EDIL3: variants seen among roughly 807,000 people sequenced by gnomAD.
EDIL3 encodes EGF-like repeat and discoidin I-like domain-containing protein 3.
EDIL3 carries 37 observed loss-of-function variants against 67.4 expected under a neutral mutation model. The ratio of observed to expected loss-of-function variants is 0.55; its 90% CI spans 0.42 to 0.72. The LOEUF is 0.72. EDIL3 is among the 30% of genes least tolerant of loss of function. The pLI is 0.00. For missense variants in EDIL3, 527 were observed against 586.3 expected (o/e 0.90, Z 1.04); for synonymous variants, 195 against 196.3 (o/e 0.99, Z 0.05).
intron 2 of EDIL3, among the ~76,000 whole-genome samples, chr5:84,233,119 A>G (rs1387264710): frequency 6.6e-6 from 1 of 152,198 alleles, no homozygotes; most frequent in East Asian, 1.9e-4. Context: ...AAATAAGTGT[A>G]TTGCTCCACT....
intron 6 of EDIL3, among the ~76,000 whole-genome samples, chr5:84,068,681 A>G (rs1746684476): frequency 1.3e-5 from 2 of 152,296 alleles, no homozygotes; most frequent in South Asian, 4.1e-4. Context: ...CACTGTTTCC[A>G]TTAAACACAA....
chr5:84,349,437 A>G (rs562444788), intron 1 of EDIL3, among the ~76,000 whole-genome samples: 9 of 152,338 alleles, frequency 5.9e-5, no homozygotes, highest in African/African-American at 2.2e-4. Flanking sequence ...CCACTTAACC[A>G]TCTGCTGACT....
intron 9 of EDIL3, among the ~76,000 whole-genome samples, chr5:83,974,455 T>C (rs1210599058): frequency 6.6e-6 from 1 of 151,832 alleles, no homozygotes; most frequent in Non-Finnish European, 1.5e-5. Flanking sequence ...ACACAGAAAG[T>C]GGACTGCCCC....
intron 9 of EDIL3, among the ~76,000 whole-genome samples, chr5:84,039,732 T>G (rs908082393): frequency 6.6e-6 from 1 of 152,092 alleles, no homozygotes; most frequent in African/African-American, 2.4e-5. Context: ...CTACATTTTT[T>G]AAAAGTATAA....
intron 9 of EDIL3, among the ~76,000 whole-genome samples, chr5:83,967,568 T>A (rs1166836764): frequency 6.6e-6 from 1 of 152,104 alleles, no homozygotes; most frequent in Non-Finnish European, 1.5e-5. Context: ...GAATATAAAC[T>A]TTTTTGTTGT....
intron 9 of EDIL3, among the ~76,000 whole-genome samples, chr5:83,990,124 T>C (rs577819195): frequency 6.6e-6 from 1 of 152,294 alleles, no homozygotes; most frequent in East Asian, 1.9e-4. Context: ...AGGTCTGGAC[T>C]CCTGAGTCAC....
At chr5:84,299,461 C>T (rs960184670) in intron 1 of EDIL3, among the ~76,000 whole-genome samples, 1 of 152,194 alleles carries the variant, frequency 6.6e-6, no homozygotes, top group Non-Finnish European at 1.5e-5. Context: ...TAGATCCCTA[C>T]AAACTTTTAT....
intron 9 of EDIL3, among the ~76,000 whole-genome samples, chr5:84,006,376 A>AACAAT (rs1247642928): frequency 1.3e-5 from 2 of 152,020 alleles, no homozygotes; most frequent in South Asian, 4.2e-4. Context: ...AACAAAACAA[A>AACAAT]ACAAAACAAA....
chr5:84,095,857 C>G (rs1747252669), intron 6 of EDIL3, among the ~76,000 whole-genome samples: 1 of 152,218 alleles, frequency 6.6e-6, no homozygotes, highest in Non-Finnish European at 1.5e-5. Flanking sequence ...GTCTTCATGG[C>G]AGCCCCTCCC....
intron 5 of EDIL3, among the ~76,000 whole-genome samples, chr5:84,111,384 C>T (rs1459048704): frequency 2.0e-5 from 3 of 152,174 alleles, no homozygotes; most frequent in African/African-American, 7.2e-5. Context: ...GGCTTATACT[C>T]TGCTTATCTA....
intron 5 of EDIL3, among the ~76,000 whole-genome samples, chr5:84,112,322 G>A (rs1747579258): frequency 6.6e-6 from 1 of 152,090 alleles, no homozygotes; most frequent in South Asian, 2.1e-4. Flanking sequence ...GCGGAGAAGA[G>A]GAAGAGTTCA....
intron 1 of EDIL3, among the ~76,000 whole-genome samples, chr5:84,263,779 AACT>A (rs1745283989): frequency 6.6e-6 from 1 of 152,338 alleles, no homozygotes; most frequent in African/African-American, 2.4e-5. Context: ...TGATAGAAGC[AACT>A]ACTAGAAAGA....
chr5:84,162,427 C>T (rs924840181), intron 4 of EDIL3, among the ~76,000 whole-genome samples: 21 of 152,094 alleles, frequency 1.4e-4, no homozygotes, highest in African/African-American at 4.6e-4. Flanking sequence ...TTTCTTTTGA[C>T]ATCTTCAGTA....
rs115015784 is a variant in EDIL3, at chr5:84,248,977, C to A, written c.196+5107G>T. Reference sequence around the variant, plus strand: ...TTTCCATATTGCACCAACAGAAATACAAAATCTCTTGTTTTTCTTAGTAAA... The same window carrying A: ...TTTCCATATTGCACCAACAGAAATAAAAAATCTCTTGTTTTTCTTAGTAAA... On this transcript the variant is annotated intron_variant, in intron 2 of 10. Transcript: ENST00000296591. Among the ~76,000 whole-genome samples the A allele has an allele frequency of 7.6e-3, 1,151 of 150,484 alleles. 13 individuals carry two copies. The highest frequency in any genetic ancestry group is 0.026 in the African/African-American group (1,076 of 41,060).
intron 1 of EDIL3, among the ~76,000 whole-genome samples, chr5:84,314,701 A>G (rs1011159280): frequency 6.6e-6 from 1 of 152,188 alleles, no homozygotes; most frequent in Non-Finnish European, 1.5e-5. Flanking sequence ...TATTTAAAAT[A>G]TAATTTTTCT....
At chr5:84,114,148 GT>G (rs918208407) in intron 5 of EDIL3, among the ~76,000 whole-genome samples, 11,146 of 109,826 alleles carry the variant, frequency 0.1, 405 homozygotes, top group African/African-American at 0.15. Flanking sequence ...GAACCCTAAA[GT>G]TTTTTTTTTT....
chr5:84,031,752 A>G (rs188108255), intron 9 of EDIL3, among the ~76,000 whole-genome samples: 2 of 152,322 alleles, frequency 1.3e-5, no homozygotes, highest in Admixed American at 1.3e-4. Context: ...TTTTTAAGTC[A>G]CCCAGTCTGT....
rs532695221 is a variant in EDIL3 at position 84,236,657 on chromosome 5, C to T, written c.197-6773G>A. Among the ~76,000 whole-genome samples the T allele has an allele frequency of 9.9e-5, 15 of 152,140 alleles. No homozygotes were observed. The South Asian group carries it at 2.9e-3, about 29-fold the overall frequency. On this transcript the variant is annotated intron_variant, in intron 2 of 10. Transcript: ENST00000296591. ...TTTCCCAAGCTGGACATTATTCTTC[C>T]TTGGAGGGCAAATGTTTTAATTTTG...
At chr5:84,164,015 T>A (rs979080020) in intron 4 of EDIL3, among the ~76,000 whole-genome samples, 26 of 152,136 alleles carry the variant, frequency 1.7e-4, no homozygotes, top group Admixed American at 8.5e-4. Context: ...CTTAGACCTC[T>A]GAAGCTGGCC....
Sources: gnomAD v4.1 joint callset for allele counts (sites outside exome capture counted in the v4.1 genomes callset) on GRCh38, gnomAD v4.1.1 for gene constraint, MANE v1.5 for transcripts, NCBI Gene and HGNC (gene_info 2026-07-23, HGNC 2026-07-21) for gene names.